The following MEIG1 variants were observed in gnomAD, a reference collection of about 807,000 sequenced individuals.
MEIG1 encodes the protein meiosis expressed gene 1 protein homolog.
A neutral mutation model predicts 11.3 loss-of-function variants in MEIG1; 12 were observed. The observed-to-expected ratio is 1.07, with a 90% CI of 0.68 to 1.73. The LOEUF (loss-of-function observed/expected upper bound fraction) is 1.73. Ranked by LOEUF, MEIG1 falls within the 40% of genes most tolerant of loss-of-function variation. MEIG1 has a pLI of 0.00. For synonymous variants in MEIG1, 41 were observed against 33.2 expected (o/e 1.24, Z -0.81); for missense variants, 119 against 104.9 (o/e 1.13, Z -0.59).
Position 14,959,954 on chromosome 10 carries a change from G to C in MEIG1, c.-30+397G>C, listed in dbSNP as rs749317113. 6.6e-4 allele frequency among the ~76,000 whole-genome samples: 101 copies of C among 152,236 alleles called. 1 individual carries two copies. The highest frequency in any genetic ancestry group is 2.6e-3 in the Admixed American group (39 of 15,286). On this transcript the variant is annotated intron_variant, in intron 1 of 2. Coordinates refer to ENST00000407572, the MANE Select transcript of MEIG1 (RefSeq NM_001080836.3). Reference sequence around the variant, plus strand: ...TGGCAGAAAGGAAGCTGGAGGGATGGGGACTGCAGGTTAGCTGTGAGGGCC... The same window carrying C: ...TGGCAGAAAGGAAGCTGGAGGGATGCGGACTGCAGGTTAGCTGTGAGGGCC...
At chr10:14,974,514 C>G (rs1054006159), downstream of MEIG1, among the ~76,000 whole-genome samples, 1 of 152,136 alleles carries the variant, frequency 6.6e-6, no homozygotes, top group Non-Finnish European at 1.5e-5. Context: ...TACCGCTGCT[C>G]TCTCAGGGGC....
At chr10:14,981,700 T>C (rs1014230480) in intron 1 of MEIG1, among the ~76,000 whole-genome samples, 6 of 152,140 alleles carry the variant, frequency 3.9e-5, no homozygotes, top group African/African-American at 1.4e-4. Flanking sequence ...TTCCTCCTAG[T>C]CCAGGGCCTC....
intron 1 of MEIG1, among the ~76,000 whole-genome samples, chr10:14,960,468 G>C (rs186148645): frequency 0.016 from 2,426 of 152,190 alleles, 26 homozygotes; most frequent in Middle Eastern, 0.041. Flanking sequence ...GCCCAGGCTG[G>C]AGTGCAGTGG....
chr10:14,960,153 G>T (rs1842995787), intron 1 of MEIG1, among the ~76,000 whole-genome samples: 1 of 152,132 alleles, frequency 6.6e-6, no homozygotes, highest in Admixed American at 6.6e-5. Flanking sequence ...GGAAACAGGC[G>T]CAGGCGTGTT....
At chr10:14,963,101 T>C (rs760922791) in intron 1 of MEIG1, among the ~76,000 whole-genome samples, 24 of 151,292 alleles carry the variant, frequency 1.6e-4, no homozygotes, top group African/African-American at 5.4e-4. Flanking sequence ...ACTTTTTTTT[T>C]TCTCTCTTAA....
At chr10:14,977,675 A>G (rs1386634602), downstream of MEIG1, among the ~76,000 whole-genome samples, 4 of 151,506 alleles carry the variant, frequency 2.6e-5, no homozygotes, top group Non-Finnish European at 1.5e-5. Context: ...ATGTGGGTAT[A>G]CCCTGTGATA....
At chr10:14,977,997 T>G (rs1352482452) in intron 1 of MEIG1, among the ~76,000 whole-genome samples, 2 of 151,266 alleles carry the variant, frequency 1.3e-5, no homozygotes, top group Admixed American at 1.3e-4. Context: ...GTCACAGGGA[T>G]TGTACACCCT....
chr10:14,974,405 G>A (rs572336539), downstream of MEIG1, among the ~76,000 whole-genome samples: 9 of 152,182 alleles, frequency 5.9e-5, no homozygotes, highest in Admixed American at 2.0e-4. Flanking sequence ...GGTAGAGGGC[G>A]GTGTATTGTT....
chr10:14,958,810 G>A (rs1005645876), upstream of MEIG1, among the ~76,000 whole-genome samples: 5 of 152,022 alleles, frequency 3.3e-5, no homozygotes, highest in Non-Finnish European at 7.4e-5. Flanking sequence ...GCAGGAGAAT[G>A]GCGTGAACCC....
chr10:14,974,806 T>A (rs1368110919), downstream of MEIG1, among the ~76,000 whole-genome samples: 3 of 152,138 alleles, frequency 2.0e-5, no homozygotes, highest in African/African-American at 7.2e-5. Flanking sequence ...TCATATTAGC[T>A]CTTAATAATT....
chr10:14,984,115 A>G (rs1160884583), intron 1 of MEIG1, among the ~76,000 whole-genome samples: 2 of 152,058 alleles, frequency 1.3e-5, no homozygotes, highest in African/African-American at 4.8e-5. Flanking sequence ...CGGAAAAGAT[A>G]TTATTGACAA....
chr10:14,963,297 G>T (rs917250876), intron 1 of MEIG1, among the ~76,000 whole-genome samples: 1 of 150,718 alleles, frequency 6.6e-6, no homozygotes, highest in Non-Finnish European at 1.5e-5. Context: ...GTTTCTCCAT[G>T]TTGGTCAGGC....
chr10:14,972,276 G>C (rs1935402), intron 2 of MEIG1, among the ~76,000 whole-genome samples: 1 of 151,912 alleles, frequency 6.6e-6, no homozygotes, highest in South Asian at 2.1e-4. Flanking sequence ...CAGCCTCCCA[G>C]AGTGCTGGGA....
rs527699860 is a variant in MEIG1, at chr10:14,983,450, T to G, written n.67-3346T>G. Among the ~76,000 whole-genome samples, 137 of 152,100 alleles carry G rather than the reference T, an allele frequency of 9.0e-4. 1 individual carries two copies. Among genetic ancestry groups the G allele is most frequent in the South Asian group, 6.6e-3 (32 of 4,822 alleles). ...AGGGAGAGGACGATATGACTCCCCATACAGCAGGAGGTGTACACCCATCCT... is the reference window on the plus strand; with the variant it reads ...AGGGAGAGGACGATATGACTCCCCAGACAGCAGGAGGTGTACACCCATCCT... On this transcript the variant is annotated intron_variant and non_coding_transcript_variant, in intron 1 of 2. Transcript: ENST00000467536.
upstream of MEIG1, among the ~76,000 whole-genome samples, chr10:14,958,620 G>A (rs1842974849): frequency 6.6e-6 from 1 of 152,324 alleles, no homozygotes; most frequent in South Asian, 2.1e-4. Context: ...AAATTGGCCG[G>A]GCGCGGTGGC....
chr10:14,985,848 G>A (rs1777352143), intron 1 of MEIG1, among the ~76,000 whole-genome samples: 1 of 151,984 alleles, frequency 6.6e-6, no homozygotes. Context: ...TATACCCTGT[G>A]ATAGTATTCA....
upstream of MEIG1, among the ~76,000 whole-genome samples, chr10:14,958,761 T>C (rs1263185040): frequency 6.6e-6 from 1 of 151,804 alleles, no homozygotes; most frequent in African/African-American, 2.4e-5. Context: ...CCAGGCGTGG[T>C]GGTGGGTGCC....
At chr10:14,984,768 A>G (rs1843301526) in intron 1 of MEIG1, among the ~76,000 whole-genome samples, 1 of 152,084 alleles carries the variant, frequency 6.6e-6, no homozygotes, top group Non-Finnish European at 1.5e-5. Flanking sequence ...ACCTTGTGAA[A>G]TTATTCGTTA....
chr10:14,982,676 G>A (rs11813378), intron 1 of MEIG1, among the ~76,000 whole-genome samples: 19,546 of 151,996 alleles, frequency 0.13, 1,416 homozygotes, highest in Middle Eastern at 0.26. Flanking sequence ...GTTTTGGGTC[G>A]TAGACGAGCT....
Sources: allele counts gnomAD v4.1 joint callset (sites outside exome capture counted in the v4.1 genomes callset), GRCh38; gene constraint gnomAD v4.1.1; transcripts MANE v1.5; gene names NCBI Gene and HGNC (gene_info 2026-07-23, HGNC 2026-07-21).